Variants in ALDH1A1 observed in about 807,000 individuals in gnomAD.
The protein encoded by ALDH1A1 is aldehyde dehydrogenase 1 family member A1.
ALDH1A1 carries 19 observed loss-of-function variants against 62.1 expected under a neutral mutation model. The ratio of observed to expected loss-of-function variants is 0.31; its 90% confidence interval spans 0.21 to 0.45. The LOEUF (loss-of-function observed/expected upper bound fraction) is 0.45. Among genes scored for constraint, ALDH1A1 ranks in the 20% least tolerant of loss-of-function variants. The probability of loss-of-function intolerance (pLI) is 1.00; values close to 1 mark genes in which losing one functional copy is unlikely to be tolerated. For missense variants in ALDH1A1, 521 were observed against 607.1 expected, an observed-to-expected ratio of 0.86 and a Z score of 1.49; for synonymous variants, 231 against 215.9, an observed-to-expected ratio of 1.07 and a Z score of -0.61.
At chr9:72,916,693 C>G (rs1020756210) in intron 9 of ALDH1A1, among the ~76,000 whole-genome samples, 1 of 152,164 alleles carries the variant, frequency 6.6e-6, no homozygotes, top group African/African-American at 2.4e-5. Context: ...CTTTAATTCT[C>G]AGCATGGCCG....
rs1420159034 is a variant in ALDH1A1, at chr9:72,931,012, A to G, written c.179T>C (p.Val60Ala). The G allele has an allele frequency of 5.0e-6, 8 of 1,613,854 alleles. No homozygotes were observed. The highest frequency in any genetic ancestry group is 6.8e-6 in the Non-Finnish European group (8 of 1,179,928). ...CQVEEGDKED[V>A]DKAVKAARQA... ...TCTTGCGGCCTTCACTGCCTTGTCA[A>G]CATCCTCCTGTAAGTCAACAGGAAT... Residue 60 changes from valine (V) to alanine (A), a missense_variant, in exon 3 of 13, where the codon GTT becomes GCT. Val to Ala is a moderately conservative substitution (Grantham distance 64). Coordinates refer to ENST00000297785, the MANE Select transcript of ALDH1A1 (RefSeq NM_000689.5).
rs8187929 is a variant in ALDH1A1, at chr9:72,925,588, T to A, written c.529A>T (p.Ile177Phe). The change falls in exon 6 of 13, where the codon ATT becomes TTT. Residue 177 changes from isoleucine to phenylalanine, a missense_variant. Coordinates refer to ENST00000297785, the MANE Select transcript of ALDH1A1 (RefSeq NM_000689.5). ...IPWNFPLVML[I>F]WKIGPALSCG... ...CTCAGTGCAGGCCCTATCTTCCAAA[T>A]GAGCATAACCAACGGGAAATTCCAC... The A allele has an allele frequency of 1.2e-3, 1,926 of 1,613,190 alleles. 38 individuals carry two copies. The East Asian group carries it at 0.038, about 32-fold the overall frequency.
intron 1 of ALDH1A1, among the ~76,000 whole-genome samples, chr9:72,941,659 C>G (rs951567602): frequency 1.3e-5 from 2 of 152,142 alleles, no homozygotes; most frequent in African/African-American, 4.8e-5. Flanking sequence ...AATCAAAGAT[C>G]TATAATCCAT....
chr9:72,915,741 T>C (rs1830054057), intron 9 of ALDH1A1, among the ~76,000 whole-genome samples: 1 of 152,220 alleles, frequency 6.6e-6, no homozygotes, highest in South Asian at 2.1e-4. Context: ...AATCCAAGAC[T>C]GTCCAACTTA....
intron 1 of ALDH1A1, among the ~76,000 whole-genome samples, chr9:72,950,402 G>T (rs1388463874): frequency 6.6e-6 from 1 of 151,778 alleles, no homozygotes; most frequent in Non-Finnish European, 1.5e-5. Context: ...ATAAGGATGG[G>T]ATATGAGTTC....
chr9:72,952,942 T>C lies in ALDH1A1; in HGVS notation c.59A>G (p.Tyr20Cys), dbSNP rs1246689455. The C allele has an allele frequency of 6.2e-7, 1 of 1,612,944 alleles. No individual in the cohort carries two copies. The highest frequency in any genetic ancestry group is 1.1e-5 in the South Asian group (1 of 91,038). Residue 20 changes from tyrosine (Y) to cysteine (C), a missense_variant, in exon 1 of 13, where the codon TAT becomes TGT. Coordinates refer to ENST00000297785, the MANE Select transcript of ALDH1A1 (RefSeq NM_000689.5). ...AATAGAAGTTTTACTCACCTTAGTA[T>C]ATTGAATCTTCAAATCGGTGAGTAG... ...PVLLTDLKIQ[Y>C]TKIFINNEWH...
At chr9:72,932,723 C>A (rs532738906) in intron 2 of ALDH1A1, among the ~76,000 whole-genome samples, 1 of 152,252 alleles carries the variant, frequency 6.6e-6, no homozygotes, top group East Asian at 1.9e-4. Flanking sequence ...GCCACACGTT[C>A]TAACTTTTTC....
At chr9:72,946,027 G>C (rs559319110) in intron 1 of ALDH1A1, among the ~76,000 whole-genome samples, 99 of 152,094 alleles carry the variant, frequency 6.5e-4, no homozygotes, top group Middle Eastern at 3.4e-3. Context: ...GTCAGGGAAA[G>C]AGAAAAGATG....
chr9:72,930,933 C>A lies in ALDH1A1; in HGVS notation c.258G>T (p.Gly86=), dbSNP rs916044638. ...AATCAGCCAACTTGTATAATAGTCG[C>A]CCCCTCTCGGAAGCATCCATAGTAC... is the stretch of plus-strand genomic sequence containing the variant. The part of the protein sequence containing the change: ...PWRTMDASER[G]RLLYKLADLI... Residue 86 remains glycine, a synonymous_variant, in exon 3 of 13, where the codon GGG becomes GGT. Transcript: ENST00000297785. 6.8e-6 allele frequency: 11 copies of A among 1,614,010 alleles called. No individual in the cohort carries two copies. The highest frequency in any genetic ancestry group is 9.3e-6 in the Non-Finnish European group (11 of 1,179,958).
chr9:72,908,549 AAAG>A (rs1254897116), intron 11 of ALDH1A1, among the ~76,000 whole-genome samples: 43 of 65,154 alleles, frequency 6.6e-4, no homozygotes, highest in African/African-American at 1.8e-3. Flanking sequence ...GAAAGAAAAG[AAAG>A]AAGAAAGAAA....
intron 10 of ALDH1A1, 104 bp from the exon 11 acceptor site, chr9:72,909,863 A>G (rs1829959486): frequency 5.8e-6 from 6 of 1,032,248 alleles, no homozygotes; most frequent in Non-Finnish European, 8.1e-6. Context: ...ATTGATTAAG[A>G]TTTTGCTTCT....
intron 12 of ALDH1A1, among the ~76,000 whole-genome samples, chr9:72,902,729 C>A (rs1390787608): frequency 1.3e-5 from 2 of 151,820 alleles, no homozygotes; most frequent in Non-Finnish European, 2.9e-5. Context: ...CCTTAGGATT[C>A]CTATGCCTAT....
intron 5 of ALDH1A1, among the ~76,000 whole-genome samples, chr9:72,926,444 G>T (rs1433007360): frequency 6.6e-6 from 1 of 151,782 alleles, no homozygotes; most frequent in African/African-American, 2.4e-5. Context: ...TTTTTTGTTT[G>T]GCCTTTTAAA....
Position 72,905,889 on chromosome 9 carries a change from T to C in ALDH1A1, c.1433+69A>G, listed in dbSNP as rs1053219143. ...TTTTATGTAAGGTGAAAACTATGAG[T>C]TAATTCCCTGGGAATGAAAATCATT... On this transcript the variant is annotated intron_variant, in intron 12 of 12. Transcript: ENST00000297785. The C allele has an allele frequency of 6.8e-6, 9 of 1,315,948 alleles. No homozygotes were observed. In the African/African-American group the frequency reaches 7.4e-5, roughly 11 times the overall value. 81.5% of individuals were successfully genotyped at this position (1,315,948 alleles called of 1,614,324 possible).
rs796284155 is a variant in ALDH1A1, at chr9:72,935,376, G to A, written c.172-4357C>T. On this transcript the variant is annotated intron_variant, in intron 2 of 12. Transcript: ENST00000297785. ...TTGAAGTAAGGGCCACAAGCTGAAT[G>A]TAAAAAGACAGTTCAAATGATGATG... Among the ~76,000 whole-genome samples, 21 of 152,262 alleles carry A rather than the reference G, an allele frequency of 1.4e-4. 1 individual carries two copies. The highest frequency in any genetic ancestry group is 5.1e-4 in the African/African-American group (21 of 41,560).
chr9:72,926,692 T>C lies in ALDH1A1; in HGVS notation c.504+424A>G, dbSNP rs1015605536. Among the ~76,000 whole-genome samples the C allele has an allele frequency of 2.0e-5, 3 of 152,366 alleles. No homozygotes were observed. In the East Asian group the frequency reaches 5.8e-4, roughly 29 times the overall value. On this transcript the variant is annotated intron_variant, in intron 5 of 12. Coordinates refer to ENST00000297785, the MANE Select transcript of ALDH1A1 (RefSeq NM_000689.5). ...ACACTCTGGGAGCTACTGTTCTGCA[T>C]GATGAGATGTCTCAATGAGAAAGTG...
At chr9:72,908,015 T>C (rs1431304654) in intron 11 of ALDH1A1, among the ~76,000 whole-genome samples, 5 of 152,122 alleles carry the variant, frequency 3.3e-5, no homozygotes, top group Non-Finnish European at 7.3e-5. Context: ...TACACTGATA[T>C]AATTTGTGTT....
intron 9 of ALDH1A1, among the ~76,000 whole-genome samples, chr9:72,914,920 C>T (rs1275201634): frequency 4.6e-5 from 7 of 152,104 alleles, no homozygotes; most frequent in African/African-American, 1.7e-4. Context: ...TTCACTCAAC[C>T]ACCCCTGGAT....
At chr9:72,939,877 A>C (rs1232103152) in intron 2 of ALDH1A1, among the ~76,000 whole-genome samples, 4 of 152,074 alleles carry the variant, frequency 2.6e-5, no homozygotes, top group African/African-American at 7.2e-5. Flanking sequence ...TGTAAAATAA[A>C]TCTATATACT....
Sources: gnomAD v4.1 joint callset for allele counts (sites outside exome capture counted in the v4.1 genomes callset) on GRCh38, gnomAD v4.1.1 for gene constraint, MANE v1.5 for transcripts, NCBI Gene and HGNC (gene_info 2026-07-23, HGNC 2026-07-21) for gene names.